Variants in MED13 observed in about 807,000 individuals in gnomAD.
The protein encoded by MED13 is mediator complex subunit 13.
MED13 carries 23 observed loss-of-function variants against 225.2 expected under a neutral mutation model. That is an observed-to-expected ratio of 0.10 (90% CI 0.07 to 0.14). The LOEUF is 0.14. Among genes scored for constraint, MED13 ranks in the 10% least tolerant of loss-of-function variants. MED13 has a pLI of 1.00. For synonymous variants in MED13, 942 were observed against 889.2 expected (o/e 1.06, Z -1.06); for missense variants, 2,197 against 2,594.5 (o/e 0.85, Z 3.33).
intron 21 of MED13, 146 bp from the exon 22 acceptor site, chr17:61,961,925 A>G (rs2080004453): frequency 3.8e-6 from 3 of 788,494 alleles, no homozygotes; most frequent in South Asian, 1.8e-5. Flanking sequence ...TTTCTTATCT[A>G]TTATGTAGGC....
In MED13 at chr17:62,029,975, A is replaced by T. The variant is rs537099592; in HGVS notation, c.1048T>A (p.Ser350Thr). The change falls in exon 7 of 30, where the codon TCA becomes ACA. Residue 350 changes from serine (S) to threonine (T), a missense_variant. Ser to Thr is a moderately conservative substitution (Grantham distance 58). This residue lies in a region of MED13 where 884 missense variants were observed against 918.5 expected (regional missense o/e 0.96). Coordinates refer to ENST00000397786, the MANE Select transcript of MED13 (RefSeq NM_005121.3). The stretch of plus-strand genomic sequence containing the variant: ...TCGGAGTTGAAGCCATCAGATACTG[A>T]AGAAAATTTGACCCACTTCTGGACA... ...QSVQKWVKFS[S>T]VSDGFNSDST... The T allele has an allele frequency of 8.1e-6, 13 of 1,610,906 alleles. No homozygotes were observed. The highest frequency in any genetic ancestry group is 9.3e-6 in the Non-Finnish European group (11 of 1,179,102).
chr17:61,985,765 T>C (rs888997860), intron 12 of MED13, among the ~76,000 whole-genome samples: 3 of 152,224 alleles, frequency 2.0e-5, no homozygotes, highest in South Asian at 2.1e-4. Flanking sequence ...GAGAAAGCAT[T>C]TGTCTCCTTA....
At chr17:61,997,362 T>C (rs572070628) in intron 9 of MED13, among the ~76,000 whole-genome samples, 2 of 152,288 alleles carry the variant, frequency 1.3e-5, no homozygotes, top group East Asian at 3.9e-4. Flanking sequence ...TAGCACACTG[T>C]CATTGGGGAT....
Position 61,962,825 on chromosome 17 carries a change from A to G in MED13, c.4991T>C (p.Leu1664Ser), listed in dbSNP as rs199509098. The G allele has an allele frequency of 6.2e-7, 1 of 1,614,174 alleles. No individual in the cohort carries two copies. Reference protein sequence around the residue: ...ESTNSSSVWTLGLLRCFLEMV... With the variant: ...ESTNSSSVWTSGLLRCFLEMV... ...TTCTAGAAAGCATCGAAGTAGCCCC[A>G]ATGTCCACACACTAGAAGAGTTAGT... The change falls in exon 21 of 30, where the codon TTG (leucine) becomes TCG (serine). Residue 1664 changes from leucine (L) to serine (S), a missense_variant. Leu to Ser is a moderately radical substitution (Grantham distance 145). This residue lies in a region of MED13 where 457 missense variants were observed against 442.2 expected (regional missense o/e 1.03). Coordinates refer to ENST00000397786, the MANE Select transcript of MED13 (RefSeq NM_005121.3).
rs968175965 is a variant in MED13, at chr17:61,973,746, C to G, written c.3806-858G>C. ...CCTGTAATTCCAGCACTTTGGGAGG[C>G]CAAGGCGGGTGGACTGTTTGAGGTC... On this transcript the variant is annotated intron_variant, in intron 16 of 29. Transcript: ENST00000397786. Among the ~76,000 whole-genome samples the G allele has an allele frequency of 4.5e-4, 69 of 152,242 alleles. 2 individuals are homozygous for G. The highest frequency in any genetic ancestry group is 1.5e-5 in the Non-Finnish European group (1 of 68,014).
At chr17:61,967,077 T>C (rs983009069) in intron 18 of MED13, among the ~76,000 whole-genome samples, 2 of 152,176 alleles carry the variant, frequency 1.3e-5, no homozygotes, top group Non-Finnish European at 2.9e-5. Context: ...AAAATTGTTA[T>C]ACAAATATAT....
intron 24 of MED13, among the ~76,000 whole-genome samples, chr17:61,956,060 A>G (rs780668759): frequency 7.2e-5 from 11 of 152,164 alleles, no homozygotes; most frequent in African/African-American, 2.4e-4. Flanking sequence ...ACCAAATTCA[A>G]TTGGTATCTG....
intron 16 of MED13, among the ~76,000 whole-genome samples, chr17:61,980,145 C>T (rs562974450): frequency 5.8e-4 from 88 of 152,132 alleles, no homozygotes; most frequent in South Asian, 4.1e-3. Context: ...GCCGAGATCA[C>T]GCCACTGCAC....
chr17:61,955,294 A>G, intron 26 of MED13, 88 bp downstream of exon 26: 5 of 1,134,786 alleles, frequency 4.4e-6, no homozygotes, highest in Non-Finnish European at 6.0e-6. Context: ...TTGGTAAAAC[A>G]AGGTAACATT....
Position 62,020,918 on chromosome 17 carries a change from T to A in MED13, c.1283+8623A>T, listed in dbSNP as rs1468544880. Among the ~76,000 whole-genome samples, 3 of 151,606 alleles carry A rather than the reference T, an allele frequency of 2.0e-5. No homozygotes were observed. The East Asian group carries it at 5.8e-4, about 29-fold the overall frequency. On this transcript the variant is annotated intron_variant, in intron 8 of 29. Coordinates refer to ENST00000397786, the MANE Select transcript of MED13 (RefSeq NM_005121.3). The stretch of plus-strand genomic sequence containing the variant: ...AATGAGCATGCTGCCTTCAAGCATC[T>A]GTTTAACAAAGCACATCTTGCACTG...
chr17:62,054,939 A>C (rs917149871), intron 2 of MED13, among the ~76,000 whole-genome samples: 6 of 152,244 alleles, frequency 3.9e-5, no homozygotes, highest in Non-Finnish European at 7.3e-5. Context: ...CCCAAGACAC[A>C]GTTACCATTT....
chr17:62,009,342 A>C (rs760055092), intron 9 of MED13, among the ~76,000 whole-genome samples: 2 of 152,232 alleles, frequency 1.3e-5, no homozygotes, highest in South Asian at 2.1e-4. Context: ...CCTATAGCAC[A>C]TAAAACTAAT....
chr17:61,979,381 T>C (rs1437932059), intron 16 of MED13, among the ~76,000 whole-genome samples: 1 of 152,098 alleles, frequency 6.6e-6, no homozygotes, highest in African/African-American at 2.4e-5. Context: ...ACAATCATGG[T>C]TCACCGAATC....
intron 8 of MED13, among the ~76,000 whole-genome samples, chr17:62,020,692 T>C (rs1033878720): frequency 1.5e-5 from 2 of 130,078 alleles, no homozygotes; most frequent in African/African-American, 2.6e-5. Context: ...TTTCTTTTTT[T>C]TTTTTTTTTT....
intron 11 of MED13, among the ~76,000 whole-genome samples, chr17:61,991,842 C>T (rs1029679386): frequency 7.9e-5 from 12 of 152,084 alleles, no homozygotes; most frequent in Non-Finnish European, 7.4e-5. Flanking sequence ...GATGGTGTTT[C>T]ACCATGTTGG....
Position 62,024,725 on chromosome 17 carries a change from C to T in MED13, c.1283+4816G>A, listed in dbSNP as rs187338771. Among the ~76,000 whole-genome samples, 13 of 152,260 alleles carry T rather than the reference C, an allele frequency of 8.5e-5. No homozygotes were observed. In the East Asian group the frequency reaches 2.3e-3, roughly 27 times the overall value. ...CACTGGACCCAGTGTCTGTTGTTCC[C>T]TTCTTTGTGTCCATGAGTTCTCATC... is the stretch of plus-strand genomic sequence containing the variant. On this transcript the variant is annotated intron_variant, in intron 8 of 29. Transcript: ENST00000397786.
intron 8 of MED13, among the ~76,000 whole-genome samples, chr17:62,021,275 GCGCCCC>G: frequency 2.0e-5 from 3 of 151,196 alleles, no homozygotes; most frequent in African/African-American, 7.3e-5. Flanking sequence ...CCGGGCAGAG[GCGCCCC>G]TCACCTCCCG....
At chr17:62,063,922 T>C (rs1291534277) in intron 1 of MED13, among the ~76,000 whole-genome samples, 1 of 152,198 alleles carries the variant, frequency 6.6e-6, no homozygotes, top group Non-Finnish European at 1.5e-5. Context: ...TATGTCTTAT[T>C]ACATGTGAAG....
chr17:61,964,490 A>G (rs1358270956), intron 20 of MED13, among the ~76,000 whole-genome samples: 1 of 152,116 alleles, frequency 6.6e-6, no homozygotes, highest in Non-Finnish European at 1.5e-5. Context: ...ACCTGAGCCC[A>G]GGAGGTCGAG....
Sources: allele counts gnomAD v4.1 joint callset (sites outside exome capture counted in the v4.1 genomes callset), GRCh38; gene constraint gnomAD v4.1.1; regional missense constraint gnomAD v4.1.1; transcripts MANE v1.5; gene names NCBI Gene and HGNC (gene_info 2026-07-23, HGNC 2026-07-21).